SH3KBP1: variants seen among roughly 807,000 people sequenced by gnomAD.
SH3KBP1 encodes SH3 domain-containing kinase-binding protein 1.
A neutral mutation model predicts 50.1 loss-of-function variants in SH3KBP1; 8 were observed. The observed-to-expected ratio is 0.16, with a 90% CI of 0.09 to 0.29. The LOEUF (loss-of-function observed/expected upper bound fraction) is 0.29, where lower values mean the gene tolerates loss of function less well. Ranked by LOEUF, SH3KBP1 falls within the 10% of genes least tolerant of loss-of-function variation. The probability of loss-of-function intolerance (pLI) is 1.00; values close to 1 mark genes in which losing one functional copy is unlikely to be tolerated. For missense variants in SH3KBP1, 377 were observed against 535.2 expected, an observed-to-expected ratio of 0.70 and a Z score of 2.92; for synonymous variants, 227 against 218.6, an observed-to-expected ratio of 1.04 and a Z score of -0.34.
chrX:19,539,551 G>C (rs1338784112), intron 16 of SH3KBP1, among the ~76,000 whole-genome samples: 1 of 112,237 alleles, frequency 8.9e-6, no homozygotes, highest in East Asian at 2.8e-4. Flanking sequence ...TCCAGCTGTG[G>C]GGAGTTAATT....
At chrX:19,872,167 G>A (rs910765321) in intron 1 of SH3KBP1, among the ~76,000 whole-genome samples, 2 of 101,847 alleles carry the variant, frequency 2.0e-5, no homozygotes, top group Admixed American at 1.1e-4. Context: ...CGGGAGAATC[G>A]CTTGAACCCA....
chrX:19,793,313 A>ATATATAT (rs1556379944), intron 2 of SH3KBP1, among the ~76,000 whole-genome samples: 3 of 96,983 alleles, frequency 3.1e-5, no homozygotes, highest in African/African-American at 1.2e-4. Flanking sequence ...AGGAAAAAAA[A>ATATATAT]ATATATATAT....
At chrX:19,831,148 G>A (rs955748712) in intron 2 of SH3KBP1, among the ~76,000 whole-genome samples, 2 of 112,576 alleles carry the variant, frequency 1.8e-5, no homozygotes, top group Non-Finnish European at 3.8e-5. Context: ...AGGGCATGGT[G>A]GCTCACGCCT....
At chrX:19,697,215 A>G (rs2063437234) in intron 4 of SH3KBP1, among the ~76,000 whole-genome samples, 1 of 112,419 alleles carries the variant, frequency 8.9e-6, no homozygotes, top group Non-Finnish European at 1.9e-5. Flanking sequence ...TTATTGGGAC[A>G]TAATCCCATT....
intron 8 of SH3KBP1, among the ~76,000 whole-genome samples, chrX:19,630,059 A>G (rs1314269590): frequency 3.6e-5 from 4 of 112,302 alleles, no homozygotes; most frequent in African/African-American, 1.3e-4. Flanking sequence ...TGTTCTCATT[A>G]TGATATGTAT....
intron 3 of SH3KBP1, 178 bp from the exon 4 acceptor site, chrX:19,707,162 A>G (rs1381651525): frequency 1.8e-6 from 1 of 547,689 alleles, no homozygotes; most frequent in East Asian, 3.4e-5. Context: ...AAGCAGAGCA[A>G]TGCTTCTTGG....
In SH3KBP1 at chrX:19,633,050, T is replaced by A. The variant is rs771975792; in HGVS notation, c.803-1092A>T. Among the ~76,000 whole-genome samples, 198 of 111,902 alleles carry A rather than the reference T, an allele frequency of 1.8e-3. 1 individual carries two copies. The highest frequency in any genetic ancestry group is 4.9e-3 in the Admixed American group (52 of 10,530). On this transcript the variant is annotated intron_variant, in intron 7 of 17. Transcript: ENST00000397821. ...TAGTGTAATTTATATTACTGAAATG[T>A]GTTTATTTATTTTGGTTAACATCCC...
At chrX:19,594,760 G>A (rs906084745) in intron 10 of SH3KBP1, among the ~76,000 whole-genome samples, 189 bp downstream of exon 10, 1 of 111,107 alleles carries the variant, frequency 9.0e-6, no homozygotes, top group African/African-American at 3.3e-5. Flanking sequence ...ACATTTTAAT[G>A]GTATGTTTAT....
At chrX:19,541,045 G>A (rs2064874273) in intron 16 of SH3KBP1, among the ~76,000 whole-genome samples, 1 of 110,935 alleles carries the variant, frequency 9.0e-6, no homozygotes, top group Admixed American at 9.6e-5. Flanking sequence ...CTCCCAAGTG[G>A]CTGGGATTAC....
chrX:19,832,603 C>T (rs2147408127), intron 2 of SH3KBP1, among the ~76,000 whole-genome samples: 1 of 111,025 alleles, frequency 9.0e-6, no homozygotes, highest in African/African-American at 3.3e-5. Context: ...ACACGGCCAG[C>T]CCAAAATCCA....
At chrX:19,874,149 C>T (rs1408765041) in intron 1 of SH3KBP1, among the ~76,000 whole-genome samples, 2 of 100,061 alleles carry the variant, frequency 2.0e-5, no homozygotes, top group South Asian at 4.6e-4. Flanking sequence ...GGACCCATGG[C>T]TGGCTGTGGG....
intron 2 of SH3KBP1, among the ~76,000 whole-genome samples, chrX:19,772,470 G>GTTTTTGT (rs1390498543): frequency 9.0e-6 from 1 of 111,077 alleles, no homozygotes; most frequent in Non-Finnish European, 1.9e-5. Context: ...CCTGGGGCCA[G>GTTTTTGT]TTTTTGTTTT....
At chrX:19,720,722 G>A (rs1218996337) in intron 3 of SH3KBP1, among the ~76,000 whole-genome samples, 2 of 111,584 alleles carry the variant, frequency 1.8e-5, no homozygotes, top group African/African-American at 6.5e-5. Flanking sequence ...AGAATGGGCA[G>A]GGAGGGGGAA....
chrX:19,668,807 G>A (rs1229395780), intron 6 of SH3KBP1, among the ~76,000 whole-genome samples: 20 of 88,976 alleles, frequency 2.2e-4, no homozygotes, highest in African/African-American at 7.7e-4. Context: ...CCAAGATTAC[G>A]TCACTGCACT....
chrX:19,640,765 T>C (rs188331729), intron 7 of SH3KBP1, among the ~76,000 whole-genome samples: 1 of 111,930 alleles, frequency 8.9e-6, no homozygotes, highest in African/African-American at 3.2e-5. Flanking sequence ...GCTCCTTTTC[T>C]GCGGGGCAGA....
chrX:19,550,504 T>G (rs1180911588), intron 13 of SH3KBP1, among the ~76,000 whole-genome samples: 1 of 111,486 alleles, frequency 9.0e-6, no homozygotes, highest in Non-Finnish European at 1.9e-5. Flanking sequence ...TGCCGGTCAT[T>G]GATTCCAAAA....
intron 3 of SH3KBP1, among the ~76,000 whole-genome samples, chrX:19,734,141 T>TCTA (rs984194505): frequency 8.9e-6 from 1 of 112,271 alleles, no homozygotes; most frequent in African/African-American, 3.2e-5. Flanking sequence ...AGAGGCTCTT[T>TCTA]CTACGAAGCA....
intron 14 of SH3KBP1, among the ~76,000 whole-genome samples, chrX:19,547,377 TA>T (rs2065116145): frequency 8.9e-6 from 1 of 111,910 alleles, no homozygotes; most frequent in African/African-American, 3.2e-5. Flanking sequence ...CAGTCCCATT[TA>T]AAATCACCAC....
intron 12 of SH3KBP1, among the ~76,000 whole-genome samples, chrX:19,578,093 G>A (rs1193347914): frequency 8.9e-6 from 1 of 112,275 alleles, no homozygotes. Flanking sequence ...GATAATGGAT[G>A]TCAAATGTGC....
Sources: allele counts gnomAD v4.1 joint callset (sites outside exome capture counted in the v4.1 genomes callset), GRCh38; gene constraint gnomAD v4.1.1; transcripts MANE v1.5; gene names NCBI Gene and HGNC (gene_info 2026-07-23, HGNC 2026-07-21).